VPS50: variants seen among roughly 807,000 people sequenced by gnomAD.
The protein encoded by VPS50 is VPS50 subunit of EARP/GARPII complex.
In VPS50, 70 loss-of-function variants were observed where a neutral mutation model predicts 139.7. The observed-to-expected ratio is 0.50, with a 90% CI of 0.41 to 0.61. The LOEUF is 0.61. Among genes scored for constraint, VPS50 ranks in the 20% least tolerant of loss-of-function variants. The probability of loss-of-function intolerance (pLI) is 0.00; values close to 1 mark genes in which losing one functional copy is unlikely to be tolerated. For synonymous variants in VPS50, 365 were observed against 376.7 expected (o/e 0.97, Z 0.36); for missense variants, 921 against 1,133.7 (o/e 0.81, Z 2.69).
intron 21 of VPS50, among the ~76,000 whole-genome samples, chr7:93,329,858 A>G (rs1409674645): frequency 6.6e-6 from 1 of 152,184 alleles, no homozygotes; most frequent in Non-Finnish European, 1.5e-5. Context: ...GAACAAAAAT[A>G]CTAAGAGAAT....
chr7:93,295,142 G>A (rs1196153882), intron 14 of VPS50, among the ~76,000 whole-genome samples: 2 of 151,950 alleles, frequency 1.3e-5, no homozygotes, highest in East Asian at 3.9e-4. Flanking sequence ...TAGTCCATTT[G>A]GGCTCCTATA....
chr7:93,241,941 G>A (rs1450847724), intron 2 of VPS50, among the ~76,000 whole-genome samples: 1 of 151,852 alleles, frequency 6.6e-6, no homozygotes, highest in East Asian at 1.9e-4. Flanking sequence ...AGATCTTTAA[G>A]ATCTTTTAAA....
intron 20 of VPS50, among the ~76,000 whole-genome samples, chr7:93,317,152 G>A (rs1258867531): frequency 6.6e-6 from 1 of 152,184 alleles, no homozygotes; most frequent in Non-Finnish European, 1.5e-5. Flanking sequence ...CTATCAAGAA[G>A]AAAGAAGGAC....
chr7:93,285,229 T>A (rs113520859), intron 12 of VPS50, among the ~76,000 whole-genome samples: 3,279 of 152,244 alleles, frequency 0.022, 129 homozygotes, highest in African/African-American at 0.074. Context: ...GAATTTTGGA[T>A]CTCTGTGAGG....
intron 6 of VPS50, 98 bp downstream of exon 6, chr7:93,257,562 GT>G: frequency 1.5e-6 from 1 of 669,520 alleles, no homozygotes; most frequent in Non-Finnish European, 2.5e-6. Context: ...AATTATGGAT[GT>G]GGTTTCTAGA....
intron 25 of VPS50, 43 bp from the exon 26 acceptor site, chr7:93,353,597 A>T (rs550967605): frequency 6.3e-7 from 1 of 1,585,542 alleles, no homozygotes; most frequent in African/African-American, 1.4e-5. Flanking sequence ...GCATTGTGGC[A>T]TTTTAATGAT....
chr7:93,259,496 G>A, intron 8 of VPS50, 54 bp from the exon 9 acceptor site: 2 of 889,222 alleles, frequency 2.2e-6, no homozygotes, highest in South Asian at 1.5e-5. Context: ...TTTTATCAGG[G>A]GCTTTAAGAA....
rs565233161 is a variant in VPS50 at position 93,343,212 on chromosome 7, C to A, written c.2207+1637C>A. ...CAGAAGCCTCAGGAGCCGATGCGATCAACTGGAAGAAAGGGTATCAGCGAT... is the reference window on the plus strand; with the variant it reads ...CAGAAGCCTCAGGAGCCGATGCGATAAACTGGAAGAAAGGGTATCAGCGAT... On this transcript the variant is annotated intron_variant, in intron 23 of 27. Transcript: ENST00000305866. 5.7e-3 allele frequency among the ~76,000 whole-genome samples: 866 copies of A among 152,066 alleles called. 9 individuals carry two copies. The highest frequency in any genetic ancestry group is 0.019 in the African/African-American group (778 of 41,450).
intron 3 of VPS50, 23 bp downstream of exon 3, chr7:93,252,798 A>G (rs773330847): frequency 1.9e-6 from 3 of 1,561,988 alleles, no homozygotes; most frequent in African/African-American, 2.8e-5. Flanking sequence ...TCATTAAAAC[A>G]TAACTAAGGC....
chr7:93,261,672 C>T (rs1323464676), intron 9 of VPS50, among the ~76,000 whole-genome samples: 2 of 120,088 alleles, frequency 1.7e-5, no homozygotes, highest in South Asian at 2.8e-4. Flanking sequence ...AGCGAGACTC[C>T]GTCTCAAAAA....
intron 2 of VPS50, among the ~76,000 whole-genome samples, chr7:93,245,811 G>A (rs955058126): frequency 5.3e-5 from 8 of 151,740 alleles, no homozygotes; most frequent in South Asian, 2.1e-4. Flanking sequence ...TATCTTTGAC[G>A]GATTATTATT....
intron 20 of VPS50, among the ~76,000 whole-genome samples, chr7:93,321,856 G>A (rs1273488638): frequency 1.3e-5 from 2 of 152,074 alleles, no homozygotes; most frequent in African/African-American, 4.8e-5. Flanking sequence ...GTTTTTAACT[G>A]AGTAATGTAG....
chr7:93,293,893 A>G (rs1167018809), intron 13 of VPS50, among the ~76,000 whole-genome samples: 1 of 152,176 alleles, frequency 6.6e-6, no homozygotes, highest in Non-Finnish European at 1.5e-5. Flanking sequence ...ATCAGTGGAT[A>G]ACTTCCCAAC....
At position 93,303,520 on chromosome 7, in the gene VPS50, T is replaced by C; in HGVS notation, c.1422T>C (p.Val474=). The change falls in exon 17 of 28, where the codon GTT becomes GTC. Residue 474 remains valine, a synonymous_variant. Transcript: ENST00000305866. ...ATGAGACTTGGGAACTTTGTCCTGT[T>C]AAGTCAAATTTCAGCATCTTGCAAC... ...LENETWELCP[V]KSNFSILQLH... The C allele has an allele frequency of 6.4e-7, 1 of 1,568,744 alleles. No individual in the cohort carries two copies. Among genetic ancestry groups the C allele is most frequent in the Non-Finnish European group, 8.7e-7 (1 of 1,145,982 alleles).
intron 24 of VPS50, among the ~76,000 whole-genome samples, chr7:93,349,145 A>G (rs1798487547): frequency 1.3e-5 from 2 of 152,112 alleles, no homozygotes; most frequent in South Asian, 2.1e-4. Context: ...TAGAAAGGCT[A>G]TCTAGAGGAA....
At chr7:93,276,130 G>T (rs1189728654) in intron 11 of VPS50, 35 bp from the exon 12 acceptor site, 9 of 1,500,654 alleles carry the variant, frequency 6.0e-6, no homozygotes, top group Non-Finnish European at 8.1e-6. Context: ...TTTTAATAAT[G>T]TGAAATTATG....
intron 22 of VPS50, chr7:93,340,727 G>T (rs1314661972): frequency 3.9e-5 from 6 of 152,232 alleles, no homozygotes; most frequent in African/African-American, 1.4e-4. Flanking sequence ...TCAGATGAAA[G>T]TAAAACTGAG....
At chr7:93,333,249 CGT>C (rs1290028132) in intron 21 of VPS50, among the ~76,000 whole-genome samples, 1 of 152,032 alleles carries the variant, frequency 6.6e-6, no homozygotes. Context: ...CTCTCTGACA[CGT>C]GTAAATAATT....
At chr7:93,316,052 T>C (rs959142743) in intron 20 of VPS50, among the ~76,000 whole-genome samples, 5 of 152,038 alleles carry the variant, frequency 3.3e-5, no homozygotes, top group African/African-American at 1.2e-4. Flanking sequence ...GGGTAGGAAG[T>C]GAAAGGACTG....
Sources: gnomAD v4.1 joint callset for allele counts (sites outside exome capture counted in the v4.1 genomes callset) on GRCh38, gnomAD v4.1.1 for gene constraint, MANE v1.5 for transcripts, NCBI Gene and HGNC (gene_info 2026-07-23, HGNC 2026-07-21) for gene names.